WDR88: variants seen among roughly 807,000 people sequenced by gnomAD.
WDR88 encodes the protein WD repeat-containing protein 88.
Under a neutral mutation model 46.8 loss-of-function variants are expected in WDR88, and 40 were observed. The observed-to-expected ratio is 0.86, with a 90% confidence interval of 0.66 to 1.11. The LOEUF (loss-of-function observed/expected upper bound fraction) is 1.11, where lower values mean the gene tolerates loss of function less well. WDR88 is among the 50% of genes most tolerant of loss of function. The probability of loss-of-function intolerance (pLI) is 0.00; values close to 1 mark genes in which losing one functional copy is unlikely to be tolerated. For synonymous variants in WDR88, 235 were observed against 240.7 expected (o/e 0.98, Z 0.22); for missense variants, 562 against 602.4 (o/e 0.93, Z 0.70).
intron 9 of WDR88, among the ~76,000 whole-genome samples, chr19:33,170,329 C>T (rs1974017314): frequency 6.6e-6 from 1 of 151,996 alleles, no homozygotes; most frequent in African/African-American, 2.4e-5. Flanking sequence ...AAGGTGCCCG[C>T]GATCATGCCT....
In WDR88 at chr19:33,145,293, A is replaced by G. The variant is rs113883518; in HGVS notation, c.476+361A>G. On this transcript the variant is annotated intron_variant, in intron 3 of 10. Coordinates refer to ENST00000355868, the MANE Select transcript of WDR88 (RefSeq NM_173479.4). ...CTCAGCCTCCTGAGTAGCTGGGATT[A>G]CAAGTGTGCACCACCACACCTGGCT... Among the ~76,000 whole-genome samples, 980 of 151,840 alleles carry G rather than the reference A, an allele frequency of 6.5e-3. 8 individuals are homozygous for G. Among genetic ancestry groups the G allele is most frequent in the African/African-American group, 0.023 (932 of 41,394 alleles).
At chr19:33,143,511 G>A (rs1973444846) in intron 2 of WDR88, among the ~76,000 whole-genome samples, 1 of 151,828 alleles carries the variant, frequency 6.6e-6, no homozygotes, top group Non-Finnish European at 1.5e-5. Flanking sequence ...AGGCGTGGTG[G>A]CGTGTGCCTA....
intron 5 of WDR88, among the ~76,000 whole-genome samples, chr19:33,150,711 ACT>A (rs1973616042): frequency 6.6e-6 from 1 of 152,086 alleles, no homozygotes; most frequent in Non-Finnish European, 1.5e-5. Context: ...CCCACTTGAC[ACT>A]CTGACCCCAC....
intron 7 of WDR88, among the ~76,000 whole-genome samples, chr19:33,158,227 G>C (rs200887248): frequency 2.0e-5 from 3 of 152,008 alleles, no homozygotes; most frequent in Admixed American, 2.0e-4. Context: ...ATGCCACTGG[G>C]GCCTGGCTTG....
At chr19:33,133,297 C>T (rs1486100295) in intron 1 of WDR88, among the ~76,000 whole-genome samples, 1 of 151,868 alleles carries the variant, frequency 6.6e-6, no homozygotes, top group African/African-American at 2.4e-5. Flanking sequence ...TCTGTAATCC[C>T]AGCACTTTGG....
intron 1 of WDR88, among the ~76,000 whole-genome samples, chr19:33,135,840 A>T (rs1207699899): frequency 6.6e-6 from 1 of 152,208 alleles, no homozygotes; most frequent in African/African-American, 2.4e-5. Context: ...CCATCCTAAC[A>T]AATATGACAC....
At chr19:33,132,883 G>C (rs1973159868) in intron 1 of WDR88, among the ~76,000 whole-genome samples, 1 of 152,222 alleles carries the variant, frequency 6.6e-6, no homozygotes, top group African/African-American at 2.4e-5. Context: ...AATTGGGCCA[G>C]GCAAGGTGGC....
At chr19:33,165,850 G>A (rs1211083816) in intron 9 of WDR88, among the ~76,000 whole-genome samples, 1 of 148,028 alleles carries the variant, frequency 6.8e-6, no homozygotes, top group Non-Finnish European at 1.5e-5. Flanking sequence ...CCGAGATCAC[G>A]AGATCAAGCC....
intron 9 of WDR88, among the ~76,000 whole-genome samples, chr19:33,168,967 C>T (rs745769379): frequency 1.1e-4 from 16 of 152,050 alleles, no homozygotes; most frequent in Admixed American, 9.8e-4. Context: ...GGATTTTTGA[C>T]GAGGGTGCCG....
At chr19:33,171,917 G>A (rs1474944316) in intron 9 of WDR88, among the ~76,000 whole-genome samples, 2 of 152,134 alleles carry the variant, frequency 1.3e-5, no homozygotes, top group Admixed American at 1.3e-4. Flanking sequence ...GGGACTACAG[G>A]TGCACGCCAC....
chr19:33,157,463 A>C (rs887917641), intron 7 of WDR88, among the ~76,000 whole-genome samples: 2 of 148,884 alleles, frequency 1.3e-5, no homozygotes, highest in African/African-American at 4.9e-5. Context: ...GCACCACTGC[A>C]CTCCAGCCTG....
At chr19:33,174,293 CCAGGTAGGGTTTA>C in intron 10 of WDR88, 3 of 1,531,252 alleles carry the variant, frequency 2.0e-6, no homozygotes, top group Non-Finnish European at 2.6e-6. Flanking sequence ...GAGGCCTGCC[CCAGGTAGGGTTTA>C]CCCCCCTCTC....
chr19:33,145,233 A>C (rs1344512809), intron 3 of WDR88, among the ~76,000 whole-genome samples: 1 of 148,004 alleles, frequency 6.8e-6, no homozygotes, highest in Non-Finnish European at 1.5e-5. Flanking sequence ...TGGCTCACTG[A>C]AGCCATGGAC....
intron 1 of WDR88, among the ~76,000 whole-genome samples, chr19:33,136,480 C>T (rs1321912867): frequency 1.3e-5 from 2 of 152,044 alleles, no homozygotes; most frequent in African/African-American, 4.8e-5. Flanking sequence ...CATGAGCCAC[C>T]GCGCCCGGCC....
At chr19:33,151,444 G>C in intron 6 of WDR88, 134 bp downstream of exon 6, 1 of 1,151,324 alleles carries the variant, frequency 8.7e-7, no homozygotes, top group Non-Finnish European at 1.2e-6. Context: ...AGGAGGCTGG[G>C]GACAGGCAGG....
Position 33,166,282 on chromosome 19 carries a change from C to CA in WDR88, c.1149+2040dup, listed in dbSNP as rs34053341. Among the ~76,000 whole-genome samples, 383 of 55,062 alleles carry CA rather than the reference C, an allele frequency of 7.0e-3. 2 individuals carry two copies. Among genetic ancestry groups the CA allele is most frequent in the Non-Finnish European group, 8.8e-3 (242 of 27,540 alleles). 36.1% of individuals were successfully genotyped at this position (55,062 alleles called of 152,430 possible). A position where few individuals can be genotyped will look rare whatever the true frequency, so the allele number is the denominator to read the frequency against. Reference sequence around the variant, plus strand: ...CAAACAGTGAGACTGGTTGTGGTCTCAAAAAAAAAAAAAAAAAAAAAAAGC... The same window carrying CA: ...CAAACAGTGAGACTGGTTGTGGTCTCAAAAAAAAAAAAAAAAAAAAAAAAGC... On this transcript the variant is annotated intron_variant, in intron 9 of 10. Transcript: ENST00000355868.
Position 33,144,826 on chromosome 19 carries a change from C to T in WDR88, c.388-18C>T, listed in dbSNP as rs766392946. The T allele has an allele frequency of 1.9e-6, 3 of 1,610,946 alleles. No individual in the cohort carries two copies. The highest frequency in any genetic ancestry group is 2.5e-6 in the Non-Finnish European group (3 of 1,178,102). On this transcript the variant is annotated intron_variant, in intron 2 of 10. Coordinates refer to ENST00000355868, the MANE Select transcript of WDR88 (RefSeq NM_173479.4). ...GGCAGTGACCACTCTCTTCTCCTCTCTCTCCCGTTGATTTGAGGATCCGGT... is the reference window on the plus strand; with the variant it reads ...GGCAGTGACCACTCTCTTCTCCTCTTTCTCCCGTTGATTTGAGGATCCGGT...
chr19:33,174,206 C>G (rs1974087291), intron 10 of WDR88: 1 of 1,536,376 alleles, frequency 6.5e-7, no homozygotes, highest in African/African-American at 1.4e-5. Flanking sequence ...CTACCTGAAG[C>G]TGAAGCAAGG....
intron 1 of WDR88, among the ~76,000 whole-genome samples, chr19:33,134,840 A>ACCCCCCCCCC (rs766617576): frequency 4.6e-3 from 289 of 62,362 alleles, no homozygotes; most frequent in African/African-American, 6.0e-3. Context: ...CGTCCCCGAC[A>ACCCCCCCCCC]CCCCCCCCCC....
Sources: allele counts gnomAD v4.1 joint callset (sites outside exome capture counted in the v4.1 genomes callset), GRCh38; gene constraint gnomAD v4.1.1; transcripts MANE v1.5; gene names NCBI Gene and HGNC (gene_info 2026-07-23, HGNC 2026-07-21).